MUC13: variants seen among roughly 807,000 people sequenced by gnomAD.
MUC13 encodes mucin-13.
Under a neutral mutation model 48.3 loss-of-function variants are expected in MUC13, and 32 were observed. The ratio of observed to expected loss-of-function variants is 0.66; its 90% CI spans 0.50 to 0.89. The LOEUF is 0.89. Among genes scored for constraint, MUC13 ranks in the 40% least tolerant of loss-of-function variants. The probability of loss-of-function intolerance (pLI) is 0.00; values close to 1 mark genes in which losing one functional copy is unlikely to be tolerated. For missense variants in MUC13, 571 were observed against 622.8 expected, an observed-to-expected ratio of 0.92 and a Z score of 0.88; for synonymous variants, 199 against 224.9, an observed-to-expected ratio of 0.88 and a Z score of 1.03.
At position 124,913,052 on chromosome 3, in the gene MUC13, T is replaced by A. The variant is rs554037273; in HGVS notation, c.1214+59A>T. 46 of 1,588,188 alleles carry A rather than the reference T, an allele frequency of 2.9e-5. No individual in the cohort carries two copies. The African/African-American group carries it at 5.6e-4, about 19-fold the overall frequency. ...CAACACCTATATACGTGTTGTAAGG[T>A]CTCTCTACTTTGCCTAGCTCCAGCT... is the stretch of plus-strand genomic sequence containing the variant. On this transcript the variant is annotated intron_variant, in intron 8 of 11. Transcript: ENST00000616727.
At chr3:124,931,617 A>G (rs1034028668) in intron 1 of MUC13, among the ~76,000 whole-genome samples, 11 of 152,022 alleles carry the variant, frequency 7.2e-5, no homozygotes, top group African/African-American at 2.2e-4. Flanking sequence ...GCGTGGTGGC[A>G]GGCACCTATA....
chr3:124,923,571 A>G lies in MUC13; in HGVS notation c.593T>C (p.Leu198Pro), dbSNP rs1341316252. The change falls in exon 3 of 12, where the codon CTG becomes CCG. Residue 198 changes from leucine to proline, a missense_variant. Physicochemically the swap from Leu to Pro is moderately conservative, Grantham distance 98 (BLOSUM62 -3). Coordinates refer to ENST00000616727, the MANE Select transcript of MUC13 (RefSeq NM_033049.4). ...CVKLHNTSFC[L>P]CLEGYYYNSS... is the part of the protein sequence containing the mutation. The stretch of plus-strand genomic sequence containing the variant: ...GTTGTAGTAATACCCTTCTAAACAC[A>G]GGCAAAAACTTGTATTATGCAGCTT... 3 of 1,613,986 alleles carry G rather than the reference A, an allele frequency of 1.9e-6. No individual in the cohort carries two copies. The highest frequency in any genetic ancestry group is 2.2e-5 in the South Asian group (2 of 91,068).
At chr3:124,934,100 A>T (rs1258393824) in intron 1 of MUC13, among the ~76,000 whole-genome samples, 3 of 152,194 alleles carry the variant, frequency 2.0e-5, no homozygotes, top group Non-Finnish European at 4.4e-5. Flanking sequence ...AGTCCTTCTT[A>T]TCTGGCCTCA....
intron 1 of MUC13, 103 bp downstream of exon 1, chr3:124,934,558 A>C (rs1053376495): frequency 5.1e-6 from 4 of 780,502 alleles, no homozygotes; most frequent in African/African-American, 5.1e-5. Context: ...TATAAAATAG[A>C]CCATGTGCTG....
chr3:124,915,001 G>A (rs1028326827), intron 6 of MUC13, among the ~76,000 whole-genome samples: 17 of 152,164 alleles, frequency 1.1e-4, no homozygotes, highest in African/African-American at 2.2e-4. Context: ...AGAAGGATGA[G>A]GGAGGCACGA....
At position 124,912,254 on chromosome 3, in the gene MUC13, T is replaced by A. The variant is rs1196045110; in HGVS notation, c.1215-113A>T. ...TTTCCATCTTCCTTTTATTCTGTCC[T>A]CCCTTGCTTTTTTTCCTCTTTCTTT... On this transcript the variant is annotated intron_variant, in intron 8 of 11. Transcript: ENST00000616727. 2.7e-6 allele frequency: 4 copies of A among 1,467,082 alleles called. No individual in the cohort carries two copies. The East Asian group carries it at 9.9e-5, about 36-fold the overall frequency. 90.9% of individuals were successfully genotyped at this position (1,467,082 alleles called of 1,614,324 possible).
intron 8 of MUC13, 190 bp from the exon 9 acceptor site, chr3:124,912,331 G>C (rs1935434033): frequency 9.1e-6 from 7 of 769,818 alleles, no homozygotes; most frequent in Admixed American, 2.8e-5. Context: ...ATGGGGTTCT[G>C]GAAGGGTGAG....
chr3:124,908,043 G>A, intron 11 of MUC13, 104 bp downstream of exon 11: 1 of 1,111,060 alleles, frequency 9.0e-7, no homozygotes, highest in Non-Finnish European at 1.3e-6. Flanking sequence ...AAAAGAAAAA[G>A]AAAGCCTGCG....
chr3:124,921,991 G>A (rs952982628), intron 4 of MUC13, among the ~76,000 whole-genome samples: 5 of 152,238 alleles, frequency 3.3e-5, no homozygotes, highest in African/African-American at 1.2e-4. Context: ...GGTCCCAGGG[G>A]AGAGGCCTGG....
chr3:124,923,544 G>T lies in MUC13; in HGVS notation c.620C>A (p.Ser207Tyr), dbSNP rs1381591057. 1.2e-6 allele frequency: 2 copies of T among 1,613,782 alleles called. No individual in the cohort carries two copies. Among genetic ancestry groups the T allele is most frequent in the Non-Finnish European group, 8.5e-7 (1 of 1,179,870 alleles). ...TAACTCACCTTTCTTACATGTAGAA[G>T]AGTTGTAGTAATACCCTTCTAAACA... ...CLCLEGYYYN[S>Y]STCKKGKVFP... The change falls in exon 3 of 12, where the codon TCT (serine) becomes TAT (tyrosine). Residue 207 changes from serine to tyrosine, a missense_variant. Transcript: ENST00000616727.
chr3:124,928,075 A>C, intron 1 of MUC13, 82 bp from the exon 2 acceptor site: 4 of 1,017,814 alleles, frequency 3.9e-6, no homozygotes, highest in Admixed American at 3.2e-5. Flanking sequence ...ATCATATCCA[A>C]CTCATTCTTT....
chr3:124,905,549 A>G lies in MUC13; in HGVS notation c.*1194T>C, dbSNP rs1316560126. 1 of 152,954 alleles carries G rather than the reference A, an allele frequency of 6.5e-6. No homozygotes were observed. Among genetic ancestry groups the G allele is most frequent in the Non-Finnish European group, 1.5e-5 (1 of 68,040 alleles). The allele number at this position is 152,954 out of a possible 1,614,324, so 9.5% of individuals were successfully genotyped here. ...TTTAAGAGGACAAGGCATTAGAAAT[A>G]AAAAAGGACACTAATAACATTTGTA... On this transcript the variant is annotated 3_prime_UTR_variant, in exon 12 of 12. Transcript: ENST00000616727.
intron 8 of MUC13, among the ~76,000 whole-genome samples, chr3:124,912,894 C>T (rs1214826432): frequency 1.4e-5 from 2 of 147,912 alleles, no homozygotes; most frequent in Admixed American, 6.8e-5. Context: ...CGAGATTGCA[C>T]CATTGCACTG....
intron 5 of MUC13, among the ~76,000 whole-genome samples, chr3:124,919,005 ACT>A (rs113334699): frequency 2.3e-4 from 34 of 148,636 alleles, no homozygotes; most frequent in Non-Finnish European, 2.5e-4. Context: ...TTATACACAT[ACT>A]CTCTCTCTCT....
In MUC13 at chr3:124,908,318, T is replaced by C; in HGVS notation, c.1368A>G (p.Glu456=). 6.2e-7 allele frequency: 1 copy of C among 1,614,232 alleles called. No individual in the cohort carries two copies. Among genetic ancestry groups the C allele is most frequent in the Non-Finnish European group, 8.5e-7 (1 of 1,180,024 alleles). ...GAAAGTCTTCGTCAATCAAGTTCTC[T>C]TCTTCAATATGCTTCGTTTTGTTAT... is the stretch of plus-strand genomic sequence containing the variant. ...RSNNKTKHIE[E]ENLIDEDFQN... Residue 456 remains glutamate (E), a synonymous_variant, in exon 11 of 12, where the codon GAA becomes GAG. Coordinates refer to ENST00000616727, the MANE Select transcript of MUC13 (RefSeq NM_033049.4).
chr3:124,929,919 G>C (rs1003438877), intron 1 of MUC13, among the ~76,000 whole-genome samples: 1 of 152,326 alleles, frequency 6.6e-6, no homozygotes, highest in East Asian at 1.9e-4. Context: ...GAAAATTGGG[G>C]ATCAGAATGA....
At chr3:124,926,258 T>C (rs2107672885) in intron 2 of MUC13, among the ~76,000 whole-genome samples, 1 of 152,322 alleles carries the variant, frequency 6.6e-6, no homozygotes, top group African/African-American at 2.4e-5. Flanking sequence ...GGCTTTTTAG[T>C]TCAGTCTCGC....
At chr3:124,932,369 C>CT (rs1935813109) in intron 1 of MUC13, among the ~76,000 whole-genome samples, 1 of 152,032 alleles carries the variant, frequency 6.6e-6, no homozygotes, top group African/African-American at 2.4e-5. Flanking sequence ...AGTCTGAGAC[C>CT]AGCCTAGCCA....
chr3:124,919,999 C>T (rs1007628834), intron 5 of MUC13, among the ~76,000 whole-genome samples: 3 of 152,170 alleles, frequency 2.0e-5, no homozygotes, highest in African/African-American at 7.2e-5. Flanking sequence ...GTTGCATAGC[C>T]AATCACAGAC....
Sources: gnomAD v4.1 joint callset for allele counts (sites outside exome capture counted in the v4.1 genomes callset) on GRCh38, gnomAD v4.1.1 for gene constraint, MANE v1.5 for transcripts, NCBI Gene and HGNC (gene_info 2026-07-23, HGNC 2026-07-21) for gene names.